PIK3R4: variants seen among roughly 807,000 people sequenced by gnomAD.
PIK3R4 encodes phosphoinositide-3-kinase regulatory subunit 4.
A neutral mutation model predicts 136.5 loss-of-function variants in PIK3R4; 46 were observed. The observed-to-expected ratio is 0.34, with a 90% CI of 0.27 to 0.43. The LOEUF is 0.43. Among genes scored for constraint, PIK3R4 ranks in the 20% least tolerant of loss-of-function variants. PIK3R4 has a pLI of 1.00. For synonymous variants in PIK3R4, 557 were observed against 566.7 expected, an observed-to-expected ratio of 0.98 and a Z score of 0.24; for missense variants, 1,331 against 1,649.5, an observed-to-expected ratio of 0.81 and a Z score of 3.35.
chr3:130,703,629 T>C (rs538781913), intron 13 of PIK3R4, 94 bp downstream of exon 13: 3 of 892,350 alleles, frequency 3.4e-6, no homozygotes, highest in Admixed American at 2.2e-5. Context: ...GCTGTATGCC[T>C]GGTACCCAAA....
intron 16 of PIK3R4, among the ~76,000 whole-genome samples, chr3:130,684,023 G>A (rs2066474074): frequency 1.3e-5 from 2 of 152,152 alleles, no homozygotes; most frequent in African/African-American, 2.4e-5. Flanking sequence ...AAAGGGATAG[G>A]AGATGGTGGT....
intron 9 of PIK3R4, among the ~76,000 whole-genome samples, chr3:130,713,069 C>T (rs2066641670): frequency 6.6e-6 from 1 of 152,198 alleles, no homozygotes; most frequent in South Asian, 2.1e-4. Flanking sequence ...GGAATAACAC[C>T]TGTTGCTCAA....
chr3:130,682,242 G>A (rs896440495), intron 16 of PIK3R4, among the ~76,000 whole-genome samples: 3 of 152,154 alleles, frequency 2.0e-5, no homozygotes, highest in African/African-American at 4.8e-5. Flanking sequence ...AATCTCCTTA[G>A]GCGAGGGAGG....
At chr3:130,704,631 C>G in intron 12 of PIK3R4, among the ~76,000 whole-genome samples, 1 of 152,020 alleles carries the variant, frequency 6.6e-6, no homozygotes, top group Non-Finnish European at 1.5e-5. Flanking sequence ...ACCTACAAAT[C>G]TAGTATCAAA....
chr3:130,732,793 T>TG (rs2066766036), intron 4 of PIK3R4, among the ~76,000 whole-genome samples: 1 of 142,058 alleles, frequency 7.0e-6, no homozygotes, highest in African/African-American at 2.6e-5. Flanking sequence ...TACATTTCTT[T>TG]AAAAAAAAAA....
rs530520745 is a variant in PIK3R4 at position 130,699,221 on chromosome 3, T to C, written c.3098+4502A>G. Among the ~76,000 whole-genome samples, 30 of 152,320 alleles carry C rather than the reference T, an allele frequency of 2.0e-4. No individual in the cohort carries two copies. The South Asian group carries it at 6.2e-3, about 32-fold the overall frequency. On this transcript the variant is annotated intron_variant, in intron 13 of 19. Coordinates refer to ENST00000356763, the MANE Select transcript of PIK3R4 (RefSeq NM_014602.3). Reference sequence around the variant, plus strand: ...TCAGCCTGCTGATGCCACCTCAAGATGACTGCTATGTTAAATAAATGGTGC... The same window carrying C: ...TCAGCCTGCTGATGCCACCTCAAGACGACTGCTATGTTAAATAAATGGTGC...
At chr3:130,721,268 C>T (rs990896789) in intron 7 of PIK3R4, among the ~76,000 whole-genome samples, 6 of 148,670 alleles carry the variant, frequency 4.0e-5, no homozygotes, top group Non-Finnish European at 7.4e-5. Context: ...ACCTGGGAGG[C>T]GGAGCTTGCA....
intron 2 of PIK3R4, 79 bp downstream of exon 2, chr3:130,744,407 A>G: frequency 7.0e-7 from 1 of 1,436,440 alleles, no homozygotes; most frequent in South Asian, 1.4e-5. Flanking sequence ...ATATCTGGTG[A>G]CTAAAAAAAG....
intron 2 of PIK3R4, among the ~76,000 whole-genome samples, chr3:130,737,797 A>G (rs1215662944): frequency 6.6e-6 from 1 of 152,242 alleles, no homozygotes; most frequent in African/African-American, 2.4e-5. Context: ...CTCAAAGCCT[A>G]TTTCACAATA....
At chr3:130,726,548 C>G (rs2066733361) in intron 6 of PIK3R4, among the ~76,000 whole-genome samples, 1 of 152,046 alleles carries the variant, frequency 6.6e-6, no homozygotes, top group African/African-American at 2.4e-5. Context: ...TCTTAACGAT[C>G]AGCATATGAC....
At position 130,696,710 on chromosome 3, in the gene PIK3R4, T is replaced by C. The variant is rs549345879; in HGVS notation, c.3099-6056A>G. On this transcript the variant is annotated intron_variant, in intron 13 of 19. Transcript: ENST00000356763. ...AGATTACATGTACACTTAAGGAAGATTTAAATTCTGCTGTTCCTGAGTGGA... is the reference window on the plus strand; with the variant it reads ...AGATTACATGTACACTTAAGGAAGACTTAAATTCTGCTGTTCCTGAGTGGA... Among the ~76,000 whole-genome samples, 3 of 152,302 alleles carry C rather than the reference T, an allele frequency of 2.0e-5. No homozygotes were observed. The South Asian group carries it at 6.2e-4, about 32-fold the overall frequency.
In PIK3R4 at chr3:130,721,336, C is replaced by CAAA. The variant is rs573651423; in HGVS notation, c.1981+2075_1981+2077dup. Reference sequence around the variant, plus strand: ...TGGGTGAAAGAGCGAGACTCCGTCTCAAAAAAAAAAAAAAAAAATTAAAAA... The same window carrying CAAA: ...TGGGTGAAAGAGCGAGACTCCGTCTCAAAAAAAAAAAAAAAAAAAAATTAAAAA... On this transcript the variant is annotated intron_variant, in intron 7 of 19. Transcript: ENST00000356763. 6.6e-5 allele frequency among the ~76,000 whole-genome samples: 5 copies of CAAA among 76,234 alleles called. No homozygotes were observed. In the South Asian group the frequency reaches 1.3e-3, roughly 19 times the overall value. The allele number at this position is 76,234 out of a possible 152,430, so 50.0% of individuals were successfully genotyped here.
At chr3:130,693,586 G>A (rs1418089525) in intron 13 of PIK3R4, among the ~76,000 whole-genome samples, 2 of 152,110 alleles carry the variant, frequency 1.3e-5, no homozygotes, top group Non-Finnish European at 2.9e-5. Flanking sequence ...CCTATTTGGA[G>A]AAACATCTAT....
chr3:130,744,993 T>C lies in PIK3R4; in HGVS notation c.226A>G (p.Ile76Val). 1 of 1,614,194 alleles carries C rather than the reference T, an allele frequency of 6.2e-7. No individual in the cohort carries two copies. The highest frequency in any genetic ancestry group is 8.5e-7 in the Non-Finnish European group (1 of 1,180,040). ...CAATTCTGTGCAGAATTAAGCCTGA[T>C]TTTCAGTTCCTCCAGCTCTTGTTTA... Reference protein sequence around the residue: ...SYKQELEELKIRLNSAQNCLP... With the variant: ...SYKQELEELKVRLNSAQNCLP... The change falls in exon 2 of 20, where the codon ATC (isoleucine) becomes GTC (valine). Residue 76 changes from isoleucine to valine, a missense_variant. Coordinates refer to ENST00000356763, the MANE Select transcript of PIK3R4 (RefSeq NM_014602.3).
chr3:130,708,807 T>C (rs1443879222), intron 9 of PIK3R4, among the ~76,000 whole-genome samples: 1 of 152,192 alleles, frequency 6.6e-6, no homozygotes, highest in African/African-American at 2.4e-5. Flanking sequence ...GTGTGATATC[T>C]AGTAGTATTT....
At chr3:130,679,596 C>A in intron 19 of PIK3R4, 111 bp from the exon 20 acceptor site, 2 of 686,700 alleles carry the variant, frequency 2.9e-6, no homozygotes, top group South Asian at 4.1e-5. Flanking sequence ...AAGTTAACAC[C>A]TTTTGTAGTC....
At chr3:130,698,910 T>C (rs1350699086) in intron 13 of PIK3R4, among the ~76,000 whole-genome samples, 1 of 152,232 alleles carries the variant, frequency 6.6e-6, no homozygotes, top group Non-Finnish European at 1.5e-5. Context: ...AACTGGCAGG[T>C]ATTTCTTTCA....
chr3:130,724,863 C>T (rs544304409), intron 6 of PIK3R4, among the ~76,000 whole-genome samples: 1 of 151,748 alleles, frequency 6.6e-6, no homozygotes, highest in Non-Finnish European at 1.5e-5. Flanking sequence ...GTTGGTTATT[C>T]TAAAAATAGT....
intron 6 of PIK3R4, among the ~76,000 whole-genome samples, chr3:130,726,936 G>GAGTTAGAT (rs1371691020): frequency 1.3e-5 from 2 of 151,998 alleles, no homozygotes; most frequent in African/African-American, 4.8e-5. Flanking sequence ...TTCAGGAACT[G>GAGTTAGAT]AGTTAGATGA....
Sources: allele counts gnomAD v4.1 joint callset (sites outside exome capture counted in the v4.1 genomes callset), GRCh38; gene constraint gnomAD v4.1.1; transcripts MANE v1.5; gene names NCBI Gene and HGNC (gene_info 2026-07-23, HGNC 2026-07-21).